The following PRRC2A variants were observed in gnomAD, a reference collection of about 807,000 sequenced individuals.
PRRC2A encodes the protein proline rich coiled-coil 2A.
In PRRC2A, 59 loss-of-function variants were observed where a neutral mutation model predicts 224.6. The ratio of observed to expected loss-of-function variants is 0.26; its 90% CI spans 0.21 to 0.33. The LOEUF (loss-of-function observed/expected upper bound fraction) is 0.33, where lower values mean the gene tolerates loss of function less well. Ranked by LOEUF, PRRC2A falls within the 10% of genes least tolerant of loss-of-function variation. PRRC2A has a pLI of 1.00. For missense variants in PRRC2A, 3,095 were observed against 2,880.7 expected (o/e 1.07, Z -1.70); for synonymous variants, 1,194 against 1,109.5 (o/e 1.08, Z -1.51).
rs1777385409 is a variant in PRRC2A at position 31,636,648 on chromosome 6, C to G, written c.5934+40C>G. 2.5e-6 allele frequency: 4 copies of G among 1,590,148 alleles called. No homozygotes were observed. The highest frequency in any genetic ancestry group is 3.4e-6 in the Non-Finnish European group (4 of 1,163,538). ...CACACTTCCCCTTCATTTGATTTCT[C>G]TGTCCAGTTGCTGGCTTTGATTTTC... On this transcript the variant is annotated intron_variant, in intron 27 of 30. Coordinates refer to ENST00000376033, the MANE Select transcript of PRRC2A (RefSeq NM_004638.4). This position sits in a 1 kb window ranked among gnomAD's most constrained non-coding sequence, Gnocchi z 4.3.
At position 31,625,111 on chromosome 6, in the gene PRRC2A, T is replaced by C; in HGVS notation, c.464-60T>C. 2 of 1,565,208 alleles carry C rather than the reference T, an allele frequency of 1.3e-6. No individual in the cohort carries two copies. Among genetic ancestry groups the C allele is most frequent in the Non-Finnish European group, 1.7e-6 (2 of 1,148,080 alleles). Reference sequence around the variant, plus strand: ...CCGCGCCCAGCCAGAGTCTTCCACTTTTATAGCATGTCCTCAGGAAATGTC... The same window carrying C: ...CCGCGCCCAGCCAGAGTCTTCCACTCTTATAGCATGTCCTCAGGAAATGTC... On this transcript the variant is annotated intron_variant, in intron 5 of 30. Coordinates refer to ENST00000376033, the MANE Select transcript of PRRC2A (RefSeq NM_004638.4). The surrounding 1 kb of genome is among the most constrained non-coding windows in gnomAD (Gnocchi z 4.1).
At position 31,626,068 on chromosome 6, in the gene PRRC2A, C is replaced by T. The variant is rs750226029; in HGVS notation, c.888C>T (p.Arg296=). 3.8e-5 allele frequency: 61 copies of T among 1,612,852 alleles called. No homozygotes were observed. The African/African-American group carries it at 7.7e-4, about 20-fold the overall frequency. ...AGPRGSGPPM[R]LVEPVGRPSI... ...CCCGAGGCTCAGGGCCACCAATGCG[C>T]TTAGTAGAGCCTGTGGGTCGTCCCT... is the stretch of plus-strand genomic sequence containing the variant. Residue 296 remains arginine (R), a synonymous_variant, in exon 9 of 31, where the codon CGC becomes CGT. Transcript: ENST00000376033.
At position 31,626,276 on chromosome 6, in the gene PRRC2A, G is replaced by A; in HGVS notation, c.982+114G>A. On this transcript the variant is annotated intron_variant, in intron 9 of 30. Transcript: ENST00000376033. ...CAGACATTGAAGTGTAGGAAGACCA[G>A]GCCCAATGGCTCACATCTGTAATCC... 4.0e-6 allele frequency: 5 copies of A among 1,256,262 alleles called. 1 individual carries two copies. Among genetic ancestry groups the A allele is most frequent in the Non-Finnish European group, 5.5e-6 (5 of 905,958 alleles). The allele number at this position is 1,256,262 out of a possible 1,614,324, so 77.8% of individuals were successfully genotyped here. A position where few individuals can be genotyped will look rare whatever the true frequency, so the allele number is the denominator to read the frequency against.
In PRRC2A at chr6:31,635,949, C is replaced by A; in HGVS notation, c.5542-18C>A. 1 of 1,588,974 alleles carries A rather than the reference C, an allele frequency of 6.3e-7. No homozygotes were observed. The highest frequency in any genetic ancestry group is 8.6e-7 in the Non-Finnish European group (1 of 1,161,638). Reference sequence around the variant, plus strand: ...CCACAGATACTAAAGCTGTTTCAACCGTGCTCCTCTCCTGCAGATCTCTGG... The same window carrying A: ...CCACAGATACTAAAGCTGTTTCAACAGTGCTCCTCTCCTGCAGATCTCTGG... On this transcript the variant is annotated intron_variant, in intron 24 of 30. Transcript: ENST00000376033.
At chr6:31,621,731 T>G (rs1460507872) in intron 1 of PRRC2A, among the ~76,000 whole-genome samples, 2 of 152,242 alleles carry the variant, frequency 1.3e-5, no homozygotes, top group East Asian at 3.8e-4. Flanking sequence ...TTCCCTGCTT[T>G]CTTCCCCACT....
chr6:31,634,602 GCAC>G (rs1777093692), intron 20 of PRRC2A, 45 bp downstream of exon 20: 1 of 1,601,312 alleles, frequency 6.2e-7, no homozygotes, highest in Non-Finnish European at 8.5e-7. Context: ...ACTTTTTTGA[GCAC>G]TGGTCATACC....
Position 31,636,135 on chromosome 6 carries a change from A to G in PRRC2A, c.5625-74A>G. ...GGGGAAGACACAGTTCTAGGGTACT[A>G]GAAGCTAGTGGACTTAAGGCATTGC... On this transcript the variant is annotated intron_variant, in intron 25 of 30. Transcript: ENST00000376033. This position sits in a 1 kb window ranked among gnomAD's most constrained non-coding sequence, Gnocchi z 4.3. 2.6e-6 allele frequency: 4 copies of G among 1,563,102 alleles called. No individual in the cohort carries two copies.
rs1045614038 is a variant in PRRC2A, at chr6:31,632,131, T to G, written c.3458T>G (p.Phe1153Cys). The change falls in exon 16 of 31, where the codon TTC (phenylalanine) becomes TGC (cysteine). Residue 1153 changes from phenylalanine (F) to cysteine (C), a missense_variant. By Grantham distance (205) the Phe-to-Cys change is radical (BLOSUM62 -2). This residue lies in a region of PRRC2A where 2,001 missense variants were observed against 1,764.9 expected (regional missense o/e 1.13). Coordinates refer to ENST00000376033, the MANE Select transcript of PRRC2A (RefSeq NM_004638.4). The part of the protein sequence containing the change: ...GAPPSPAPAR[F>C]TARGGRVFTP... ...CCACCTTCACCAGCCCCAGCCCGCT[T>G]CACTGCCCGGGGTGGGCGAGTCTTC... The G allele has an allele frequency of 6.4e-5, 100 of 1,558,638 alleles. No individual in the cohort carries two copies. Among genetic ancestry groups the G allele is most frequent in the Non-Finnish European group, 8.3e-5 (96 of 1,152,512 alleles).
Position 31,636,951 on chromosome 6 carries a change from G to A in PRRC2A, c.6147+6G>A. 6.2e-7 allele frequency: 1 copy of A among 1,611,496 alleles called. No individual in the cohort carries two copies. The highest frequency in any genetic ancestry group is 8.5e-7 in the Non-Finnish European group (1 of 1,178,896). ...CTAGCTTGGGGCGAGCAGAGGTAAG[G>A]TACAGGAACTGAGGGGCTAGGGAGC... On this transcript the variant is annotated splice_donor_region_variant and intron_variant, in intron 28 of 30. Coordinates refer to ENST00000376033, the MANE Select transcript of PRRC2A (RefSeq NM_004638.4). The surrounding 1 kb of genome is among the most constrained non-coding windows in gnomAD (Gnocchi z 4.3).
Position 31,625,028 on chromosome 6 carries a change from G to C in PRRC2A, c.464-143G>C. ...TTGGCCAGGATGGTCTCGATCTCTTGACCTCGTGATCCGCCCGCCTCAGCC... is the reference window on the plus strand; with the variant it reads ...TTGGCCAGGATGGTCTCGATCTCTTCACCTCGTGATCCGCCCGCCTCAGCC... On this transcript the variant is annotated intron_variant, in intron 5 of 30. Coordinates refer to ENST00000376033, the MANE Select transcript of PRRC2A (RefSeq NM_004638.4). This position sits in a 1 kb window ranked among gnomAD's most constrained non-coding sequence, Gnocchi z 4.1. The C allele has an allele frequency of 2.2e-6, 2 of 902,364 alleles. No homozygotes were observed. Among genetic ancestry groups the C allele is most frequent in the Non-Finnish European group, 3.4e-6 (2 of 585,532 alleles). The allele number at this position is 902,364 out of a possible 1,614,324, so 55.9% of individuals were successfully genotyped here. A position where few individuals can be genotyped will look rare whatever the true frequency, so the allele number is the denominator to read the frequency against.
At position 31,625,208 on chromosome 6, in the gene PRRC2A, A is replaced by G; in HGVS notation, c.501A>G (p.Arg167=). ...CAAGCCTACTGTCACGATTCTCTCGAGAGGAATTTCCGACCCTGCAGGCGG... is the reference window on the plus strand; with the variant it reads ...CAAGCCTACTGTCACGATTCTCTCGGGAGGAATTTCCGACCCTGCAGGCGG... ...RASSLLSRFS[R]EEFPTLQAAG... Residue 167 remains arginine, a synonymous_variant, in exon 6 of 31, where the codon CGA becomes CGG. Transcript: ENST00000376033. This position sits in a 1 kb window ranked among gnomAD's most constrained non-coding sequence, Gnocchi z 4.1. 6.2e-7 allele frequency: 1 copy of G among 1,613,066 alleles called. No individual in the cohort carries two copies. The highest frequency in any genetic ancestry group is 2.2e-5 in the East Asian group (1 of 44,890).
Position 31,636,742 on chromosome 6 carries a change from C to G in PRRC2A, c.5944C>G (p.Pro1982Ala). 6.2e-7 allele frequency: 1 copy of G among 1,607,272 alleles called. No individual in the cohort carries two copies. The highest frequency in any genetic ancestry group is 8.5e-7 in the Non-Finnish European group (1 of 1,179,956). Residue 1982 changes from proline (P) to alanine (A), a missense_variant, in exon 28 of 31, where the codon CCC becomes GCC. Around this residue, in one of 8 missense-constraint regions of PRRC2A, gnomAD observed 662 missense variants for 609.5 expected, o/e 1.09. Transcript: ENST00000376033. The surrounding 1 kb of genome is among the most constrained non-coding windows in gnomAD (Gnocchi z 4.3). The part of the protein sequence containing the change: ...SGAPAQQMLL[P>A]MVDSQLPVVN... ...AAATTTCTTGTTACAGATGCTTCTACCCATGGTAGACTCACAGCTGCCTGT... is the reference window on the plus strand; with the variant it reads ...AAATTTCTTGTTACAGATGCTTCTAGCCATGGTAGACTCACAGCTGCCTGT...
In PRRC2A at chr6:31,623,847, C is replaced by T; in HGVS notation, c.228C>T (p.Val76=). 1 of 1,614,246 alleles carries T rather than the reference C, an allele frequency of 6.2e-7. No homozygotes were observed. Among genetic ancestry groups the T allele is most frequent in the Non-Finnish European group, 8.5e-7 (1 of 1,180,046 alleles). The change falls in exon 3 of 31, where the codon GTC becomes GTT. Residue 76 remains valine, a synonymous_variant. Coordinates refer to ENST00000376033, the MANE Select transcript of PRRC2A (RefSeq NM_004638.4). ...AGAACAAAGGCAATGACCCCAATGT[C>T]TCACTAGTGCCAAAAGACGGAACAG... ...KAENKGNDPN[V]SLVPKDGTGW...
At position 31,635,991 on chromosome 6, in the gene PRRC2A, C is replaced by G. The variant is rs778651046; in HGVS notation, c.5566C>G (p.Gln1856Glu). ...SQISGGAMDS[Q>E]LHPNSGGFRP... Reference sequence around the variant, plus strand: ...GATCTCTGGGGGAGCCATGGACTCTCAATTACATCCAAACAGTGGAGGCTT... The same window carrying G: ...GATCTCTGGGGGAGCCATGGACTCTGAATTACATCCAAACAGTGGAGGCTT... The change falls in exon 25 of 31, where the codon CAA (glutamine) becomes GAA (glutamate). Residue 1856 changes from glutamine (Q) to glutamate (E), a missense_variant. By Grantham distance (29) the Gln-to-Glu change is conservative. Around this residue, in one of 8 missense-constraint regions of PRRC2A, gnomAD observed 662 missense variants for 609.5 expected, o/e 1.09. Transcript: ENST00000376033. 2.3e-5 allele frequency: 37 copies of G among 1,613,266 alleles called. No individual in the cohort carries two copies. Among genetic ancestry groups the G allele is most frequent in the Middle Eastern group, 3.3e-4 (2 of 6,062 alleles).
In PRRC2A at chr6:31,636,552, C is replaced by T. The variant is rs369690453; in HGVS notation, c.5878C>T (p.Pro1960Ser). Residue 1960 changes from proline to serine, a missense_variant, in exon 27 of 31, where the codon CCT (proline) becomes TCT (serine). Physicochemically the swap from Pro to Ser is moderately conservative, Grantham distance 74. Transcript: ENST00000376033. The surrounding 1 kb of genome is among the most constrained non-coding windows in gnomAD (Gnocchi z 4.3). Reference sequence around the variant, plus strand: ...ATCCCCTTCGGATTTTTATTCTACTCCTCTGCAGCCTGGTGGCCAAAGTGG... The same window carrying T: ...ATCCCCTTCGGATTTTTATTCTACTTCTCTGCAGCCTGGTGGCCAAAGTGG... ...LPSPSDFYST[P>S]LQPGGQSGFL... 28 of 1,608,832 alleles carry T rather than the reference C, an allele frequency of 1.7e-5. No individual in the cohort carries two copies. The African/African-American group carries it at 3.2e-4, about 18-fold the overall frequency.
Position 31,633,953 on chromosome 6 carries a change from G to A in PRRC2A, c.4683G>A (p.Arg1561=), listed in dbSNP as rs1456795659. The A allele has an allele frequency of 1.9e-6, 3 of 1,602,330 alleles. No individual in the cohort carries two copies. The highest frequency in any genetic ancestry group is 1.1e-5 in the South Asian group (1 of 89,424). Residue 1561 remains arginine, a synonymous_variant, in exon 18 of 31, where the codon CGG becomes CGA. Coordinates refer to ENST00000376033, the MANE Select transcript of PRRC2A (RefSeq NM_004638.4). ...AGVSPFPPKR[R]ERPPRKPELL... is the part of the protein sequence containing the mutation. ...TTAGTCCCTTTCCCCCTAAACGTCG[G>A]GAGCGGCCTCCCAGAAAACCAGAGC... is the stretch of plus-strand genomic sequence containing the variant.
In PRRC2A at chr6:31,635,612, C is replaced by T; in HGVS notation, c.5404C>T (p.Leu1802Phe). The T allele has an allele frequency of 3.1e-6, 5 of 1,611,832 alleles. No homozygotes were observed. The highest frequency in any genetic ancestry group is 4.2e-6 in the Non-Finnish European group (5 of 1,179,276). ...TCCTGTATCACGAGACTGGGAGCTG[C>T]TTCCCAGTGCTGCTGCCTCTGCTGA... Reference protein sequence around the residue: ...AIPVSRDWELLPSAAASAEPQ... With the variant: ...AIPVSRDWELFPSAAASAEPQ... Residue 1802 changes from leucine to phenylalanine, a missense_variant, in exon 24 of 31, where the codon CTT becomes TTT. Transcript: ENST00000376033.
rs757954029 is a variant in PRRC2A, at chr6:31,626,803, G to A, written c.1014G>A (p.Lys338=). 1.0e-5 allele frequency: 16 copies of A among 1,592,522 alleles called. 1 individual carries two copies. The South Asian group carries it at 1.8e-4, about 18-fold the overall frequency. Residue 338 remains lysine, a synonymous_variant, in exon 10 of 31, where the codon AAG becomes AAA. Transcript: ENST00000376033. ...GAHEEVDYTE[K]LKFSDEEDGR... is the part of the protein sequence containing the mutation. ...ATGAAGAGGTTGACTACACTGAAAA[G>A]CTCAAGTTCAGCGATGAGGAAGATG...
At chr6:31,635,809 T>C in intron 24 of PRRC2A, 60 bp downstream of exon 24, 1 of 1,516,612 alleles carries the variant, frequency 6.6e-7, no homozygotes, top group Non-Finnish European at 8.9e-7. Flanking sequence ...TTCTGCCTGG[T>C]ATGTATTTAT....
Sources: gnomAD v4.1 joint callset for allele counts (sites outside exome capture counted in the v4.1 genomes callset) on GRCh38, gnomAD v4.1.1 for gene constraint, gnomAD v4.1.1 regional missense constraint, Gnocchi (gnomAD v3.1) non-coding constraint, MANE v1.5 for transcripts, NCBI Gene and HGNC (gene_info 2026-07-23, HGNC 2026-07-21) for gene names.